SLC35F4: variants seen among roughly 807,000 people sequenced by gnomAD.
SLC35F4 encodes chromosome 14 open reading frame 36.
SLC35F4 carries 24 observed loss-of-function variants against 44.2 expected under a neutral mutation model. The ratio of observed to expected loss-of-function variants is 0.54; its 90% CI spans 0.39 to 0.76. The LOEUF is 0.76. Ranked by LOEUF, SLC35F4 falls within the 30% of genes least tolerant of loss-of-function variation. SLC35F4 has a pLI of 0.00. For synonymous variants in SLC35F4, 238 were observed against 223.6 expected, an observed-to-expected ratio of 1.06 and a Z score of -0.57; for missense variants, 562 against 586.1, an observed-to-expected ratio of 0.96 and a Z score of 0.42.
chr14:57,673,245 G>T (rs2074580000), intron 1 of SLC35F4, among the ~76,000 whole-genome samples: 1 of 152,084 alleles, frequency 6.6e-6, no homozygotes, highest in Non-Finnish European at 1.5e-5. Flanking sequence ...TGAGAGTAAG[G>T]CTCCATAGTG....
intron 1 of SLC35F4, among the ~76,000 whole-genome samples, chr14:57,680,311 C>G (rs76890743): frequency 0.15 from 22,192 of 152,004 alleles, 1,888 homozygotes; most frequent in East Asian, 0.29. Flanking sequence ...AGGCTTTTGA[C>G]AAAATTCAAC....
At chr14:57,586,977 C>A (rs1273769190) in intron 3 of SLC35F4, among the ~76,000 whole-genome samples, 6 of 45,800 alleles carry the variant, frequency 1.3e-4, no homozygotes, top group Admixed American at 7.1e-4. Flanking sequence ...CCAACAAACA[C>A]TTCTCAAAAG....
intron 1 of SLC35F4, among the ~76,000 whole-genome samples, chr14:57,855,441 C>A (rs1042067049): frequency 1.3e-5 from 2 of 152,184 alleles, no homozygotes; most frequent in East Asian, 3.8e-4. Context: ...TGAAAAAATG[C>A]TCACCATCAC....
chr14:57,719,035 A>G (rs2076014043), intron 1 of SLC35F4, among the ~76,000 whole-genome samples: 1 of 152,230 alleles, frequency 6.6e-6, no homozygotes, highest in African/African-American at 2.4e-5. Context: ...ATAGGGGCCA[A>G]GTTTCATTCT....
intron 1 of SLC35F4, among the ~76,000 whole-genome samples, chr14:57,835,769 C>T (rs1022316787): frequency 1.1e-4 from 17 of 152,326 alleles, no homozygotes; most frequent in African/African-American, 4.1e-4. Flanking sequence ...TCCAGCCTCG[C>T]TAGTCTGTCA....
intron 1 of SLC35F4, chr14:57,604,398 A>C (rs544084672): frequency 6.6e-6 from 1 of 152,280 alleles, no homozygotes; most frequent in Non-Finnish European, 1.5e-5. Context: ...TAGCTAACCA[A>C]GGAGGTGAAA....
intron 1 of SLC35F4, among the ~76,000 whole-genome samples, chr14:57,846,930 C>T (rs1446092613): frequency 6.6e-6 from 1 of 152,210 alleles, no homozygotes; most frequent in African/African-American, 2.4e-5. Flanking sequence ...AGGAAAGCGA[C>T]AGATTATCCA....
intron 2 of SLC35F4, among the ~76,000 whole-genome samples, chr14:57,592,071 TTC>T (rs1205962698): frequency 6.6e-6 from 1 of 152,232 alleles, no homozygotes; most frequent in Non-Finnish European, 1.5e-5. Context: ...CTCTTTTATT[TTC>T]TGACCACTTT....
chr14:57,836,297 G>A (rs1884912898), intron 1 of SLC35F4, among the ~76,000 whole-genome samples: 1 of 151,906 alleles, frequency 6.6e-6, no homozygotes, highest in Non-Finnish European at 1.5e-5. Context: ...TTTATTGATT[G>A]ATTGATTGAT....
At chr14:57,586,973 A>AAAAGTGTGCAAAGGAGATGAACAG (rs61106122) in intron 3 of SLC35F4, among the ~76,000 whole-genome samples, 17 of 147,808 alleles carry the variant, frequency 1.2e-4, no homozygotes, top group African/African-American at 4.2e-4. Context: ...AAAACCAACA[A>AAAAGTGTGCAAAGGAGATGAACAG]ACACTTCTCA....
At chr14:57,584,005 T>C (rs187334715) in intron 3 of SLC35F4, among the ~76,000 whole-genome samples, 70 of 152,294 alleles carry the variant, frequency 4.6e-4, no homozygotes, top group Non-Finnish European at 8.7e-4. Context: ...CAGCCACTAG[T>C]TGTTGAACCC....
At chr14:57,605,665 T>C (rs1052143862) in intron 1 of SLC35F4, among the ~76,000 whole-genome samples, 1 of 151,846 alleles carries the variant, frequency 6.6e-6, no homozygotes, top group African/African-American at 2.4e-5. Context: ...CATATGTTCA[T>C]AGCAGCACTA....
intron 1 of SLC35F4, among the ~76,000 whole-genome samples, chr14:57,616,893 G>A (rs1050046117): frequency 1.3e-5 from 2 of 151,898 alleles, no homozygotes; most frequent in African/African-American, 4.8e-5. Context: ...CTAAACCTTA[G>A]CCCCTCTTCT....
At chr14:57,757,926 C>T (rs1383310425) in intron 1 of SLC35F4, among the ~76,000 whole-genome samples, 1 of 150,672 alleles carries the variant, frequency 6.6e-6, no homozygotes, top group Non-Finnish European at 1.5e-5. Flanking sequence ...ATTCTGTCAG[C>T]TTTGGTATGT....
At chr14:57,800,091 C>T (rs2078155402) in intron 1 of SLC35F4, among the ~76,000 whole-genome samples, 1 of 152,218 alleles carries the variant, frequency 6.6e-6, no homozygotes, top group Non-Finnish European at 1.5e-5. Flanking sequence ...CTAGCCACCT[C>T]CTACAGGCAC....
intron 1 of SLC35F4, among the ~76,000 whole-genome samples, chr14:57,893,200 T>C (rs369474933): frequency 3.3e-5 from 5 of 152,242 alleles, no homozygotes; most frequent in African/African-American, 7.2e-5. Context: ...TGGAAAAACA[T>C]AGAAGCAGCA....
intron 1 of SLC35F4, among the ~76,000 whole-genome samples, chr14:57,629,619 C>A (rs754954584): frequency 6.6e-5 from 10 of 151,990 alleles, no homozygotes; most frequent in Non-Finnish European, 1.0e-4. Flanking sequence ...TTAAAATGTG[C>A]CCATAAATAG....
chr14:57,747,716 T>C (rs535872809), intron 1 of SLC35F4, among the ~76,000 whole-genome samples: 44 of 152,334 alleles, frequency 2.9e-4, no homozygotes, highest in African/African-American at 9.9e-4. Context: ...AATACTATTA[T>C]GCTACCTAAA....
At chr14:57,762,717 T>C (rs1476198538) in intron 1 of SLC35F4, among the ~76,000 whole-genome samples, 2 of 152,118 alleles carry the variant, frequency 1.3e-5, no homozygotes, top group East Asian at 1.9e-4. Flanking sequence ...GAGTTCAGCG[T>C]CTCCCTTTCC....
Sources: allele counts gnomAD v4.1 joint callset (sites outside exome capture counted in the v4.1 genomes callset), GRCh38; gene constraint gnomAD v4.1.1; transcripts MANE v1.5; gene names NCBI Gene and HGNC (gene_info 2026-07-23, HGNC 2026-07-21).